Variants in CRYBG2 observed in about 807,000 individuals in gnomAD.
CRYBG2 encodes crystallin beta-gamma domain containing 2.
In CRYBG2, 106 loss-of-function variants were observed where a neutral mutation model predicts 153.4. The observed-to-expected ratio is 0.69, with a 90% confidence interval of 0.59 to 0.81. The LOEUF is 0.81. Among genes scored for constraint, CRYBG2 ranks in the 30% least tolerant of loss-of-function variants. CRYBG2 has a pLI of 0.00. For missense variants in CRYBG2, 1,996 were observed against 2,112.0 expected, an observed-to-expected ratio of 0.95 and a Z score of 1.08; for synonymous variants, 851 against 877.8, an observed-to-expected ratio of 0.97 and a Z score of 0.54.
At position 26,337,285 on chromosome 1, in the gene CRYBG2, C is replaced by G; in HGVS notation, c.3739G>C (p.Glu1247Gln). Residue 1247 changes from glutamate (E) to glutamine (Q), a missense_variant, in exon 10 of 20, where the codon GAG (glutamate) becomes CAG (glutamine). Physicochemically the swap from Glu to Gln is conservative, Grantham distance 29. Transcript: ENST00000308182. ...ATGACCCGGAGGGAGGTCAGCAACTCGTCATAGCCTCCCCAGTGTGACCAG... is the reference window on the plus strand; with the variant it reads ...ATGACCCGGAGGGAGGTCAGCAACTGGTCATAGCCTCCCCAGTGTGACCAG... ...PDWSHWGGYD[E>Q]LLTSLRVIRT... is the part of the protein sequence containing the mutation. The G allele has an allele frequency of 1.2e-6, 2 of 1,614,080 alleles. No homozygotes were observed. The highest frequency in any genetic ancestry group is 8.5e-7 in the Non-Finnish European group (1 of 1,179,992).
intron 1 of CRYBG2, among the ~76,000 whole-genome samples, chr1:26,350,408 T>C (rs2074274058): frequency 6.6e-6 from 1 of 152,210 alleles, no homozygotes; most frequent in Non-Finnish European, 1.5e-5. Context: ...TGCTAAGTGC[T>C]TTAGATTCAT....
rs1301210017 is a variant in CRYBG2, at chr1:26,344,369, G to A, written c.2289C>T (p.Asp763=). The change falls in exon 2 of 20, where the codon GAC becomes GAT. Residue 763 remains aspartate (D), a synonymous_variant. Transcript: ENST00000308182. ...GCAGCGTATCCAGGAATATCTCCAG[G>A]TCAGCGGCCAGGGCCACCTCATCCT... is the stretch of plus-strand genomic sequence containing the variant. The part of the protein sequence containing the change: ...REEDEVALAA[D]LEIFLDTLRS... 1.3e-6 allele frequency: 2 copies of A among 1,512,496 alleles called. No individual in the cohort carries two copies. Among genetic ancestry groups the A allele is most frequent in the East Asian group, 2.5e-5 (1 of 40,594 alleles). The allele number at this position is 1,512,496 out of a possible 1,614,324, so 93.7% of individuals were successfully genotyped here.
intron 7 of CRYBG2, 132 bp from the exon 8 acceptor site, chr1:26,338,179 C>A: frequency 1.4e-6 from 2 of 1,410,664 alleles, no homozygotes; most frequent in Non-Finnish European, 1.9e-6. Flanking sequence ...TTAGGTTAAT[C>A]CCTACCTCTC....
In CRYBG2 at chr1:26,338,342, G is replaced by C; in HGVS notation, c.3471+9C>G. 6.3e-7 allele frequency: 1 copy of C among 1,595,162 alleles called. No homozygotes were observed. Among genetic ancestry groups the C allele is most frequent in the Non-Finnish European group, 8.5e-7 (1 of 1,171,962 alleles). On this transcript the variant is annotated intron_variant, in intron 7 of 19. Coordinates refer to ENST00000308182, the MANE Select transcript of CRYBG2 (RefSeq NM_001039775.4). ...ACCTCCTGGCCTGTGGGTGTGCCCT[G>C]TTCTTTACCAATCTCATGGGCTTCA...
In CRYBG2 at chr1:26,343,020, G is replaced by C; in HGVS notation, c.3074+27C>G. 6.5e-7 allele frequency: 1 copy of C among 1,539,096 alleles called. No homozygotes were observed. The highest frequency in any genetic ancestry group is 8.8e-7 in the Non-Finnish European group (1 of 1,139,104). On this transcript the variant is annotated intron_variant, in intron 4 of 19. Coordinates refer to ENST00000308182, the MANE Select transcript of CRYBG2 (RefSeq NM_001039775.4). This position sits in a 1 kb window ranked among gnomAD's most constrained non-coding sequence, Gnocchi z 4.1. Reference sequence around the variant, plus strand: ...TGCATCCCCCCAGGTTCACAGCCAAGTGCCTTGCTGGGCACTCCCCACTCA... The same window carrying C: ...TGCATCCCCCCAGGTTCACAGCCAACTGCCTTGCTGGGCACTCCCCACTCA...
chr1:26,349,861 C>G (rs2074268876), intron 1 of CRYBG2, among the ~76,000 whole-genome samples: 1 of 128,126 alleles, frequency 7.8e-6, no homozygotes, highest in Admixed American at 9.4e-5. Context: ...GTTGCCCAGG[C>G]TGGAGTGCAG....
intron 18 of CRYBG2, among the ~76,000 whole-genome samples, chr1:26,323,085 C>CTTT (rs35042014): frequency 1.4e-5 from 2 of 145,480 alleles, no homozygotes; most frequent in African/African-American, 2.5e-5. Flanking sequence ...TTCTATTCTC[C>CTTT]TTTTTTTTTT....
At chr1:26,333,082 T>TGGCA (rs928764217) in intron 14 of CRYBG2, among the ~76,000 whole-genome samples, 17 of 127,160 alleles carry the variant, frequency 1.3e-4, no homozygotes, top group Admixed American at 2.6e-4. Flanking sequence ...GGGAAAAAGT[T>TGGCA]GGCAGGGACA....
chr1:26,332,144 A>T (rs2124698311), intron 14 of CRYBG2, among the ~76,000 whole-genome samples: 1 of 152,124 alleles, frequency 6.6e-6, no homozygotes, highest in Admixed American at 6.5e-5. Flanking sequence ...CGTCTCTATT[A>T]AAAATACAAA....
chr1:26,324,998 C>T (rs745307363), intron 17 of CRYBG2: 2 of 152,184 alleles, frequency 1.3e-5, no homozygotes, highest in Non-Finnish European at 2.9e-5. Context: ...TCAAAACTGA[C>T]CCATGACACG....
rs1466844829 is a variant in CRYBG2 at position 26,343,489 on chromosome 1, C to G, written c.2914-196G>C. 6.6e-6 allele frequency among the ~76,000 whole-genome samples: 1 copy of G among 152,178 alleles called. No homozygotes were observed. The highest frequency in any genetic ancestry group is 1.9e-4 in the East Asian group (1 of 5,178). ...TGTCCCAGGAGCTTGGTGCTCATCA[C>G]CCGCCTTCCTCAGCTCCCAGGATCT... is the stretch of plus-strand genomic sequence containing the variant. On this transcript the variant is annotated intron_variant, in intron 2 of 19. Transcript: ENST00000308182. The surrounding 1 kb of genome is among the most constrained non-coding windows in gnomAD (Gnocchi z 4.1).
intron 7 of CRYBG2, 60 bp downstream of exon 7, chr1:26,338,291 T>C (rs1439307730): frequency 1.3e-6 from 2 of 1,535,268 alleles, no homozygotes; most frequent in Admixed American, 4.1e-5. Context: ...CAGGACCAGC[T>C]ACTTGGGACC....
intron 15 of CRYBG2, among the ~76,000 whole-genome samples, chr1:26,329,136 C>G (rs1402870298): frequency 6.7e-6 from 1 of 150,080 alleles, no homozygotes; most frequent in Middle Eastern, 3.3e-3. Context: ...TAACCTGGCA[C>G]TCTGAGCCAG....
At chr1:26,337,147 AG>A in intron 10 of CRYBG2, 105 bp downstream of exon 10, 2 of 1,567,180 alleles carry the variant, frequency 1.3e-6, no homozygotes, top group Non-Finnish European at 1.7e-6. Flanking sequence ...GAACACTTAC[AG>A]GGAGAACACG....
chr1:26,341,877 TC>T (rs1303184719), intron 5 of CRYBG2, among the ~76,000 whole-genome samples: 3 of 152,156 alleles, frequency 2.0e-5, no homozygotes, highest in Non-Finnish European at 2.9e-5. Flanking sequence ...CTTCTTGGTC[TC>T]CCTGCCTCCA....
intron 14 of CRYBG2, among the ~76,000 whole-genome samples, chr1:26,332,750 C>T (rs1319682182): frequency 1.3e-5 from 2 of 151,958 alleles, no homozygotes; most frequent in African/African-American, 4.8e-5. Context: ...AAGTGATCCA[C>T]CCACCTCGGC....
Position 26,337,310 on chromosome 1 carries a change from G to A in CRYBG2, c.3714C>T (p.Asp1238=), listed in dbSNP as rs751527660. The A allele has an allele frequency of 5.0e-6, 8 of 1,614,020 alleles. No homozygotes were observed. Among genetic ancestry groups the A allele is most frequent in the Non-Finnish European group, 6.8e-6 (8 of 1,180,010 alleles). ...CGTCATAGCCTCCCCAGTGTGACCA[G>A]TCTGGGTATTCCCCCTCCTCCAGCA... is the stretch of plus-strand genomic sequence containing the variant. ...QYLLEEGEYP[D]WSHWGGYDEL... Residue 1238 remains aspartate (D), a synonymous_variant, in exon 10 of 20, where the codon GAC becomes GAT. Coordinates refer to ENST00000308182, the MANE Select transcript of CRYBG2 (RefSeq NM_001039775.4).
At chr1:26,322,916 A>G (rs997207370) in intron 18 of CRYBG2, among the ~76,000 whole-genome samples, 1 of 152,150 alleles carries the variant, frequency 6.6e-6, no homozygotes, top group African/African-American at 2.4e-5. Context: ...CCACCCAGCT[A>G]GCCTTGCTAG....
At chr1:26,331,699 G>A in intron 14 of CRYBG2, 81 bp from the exon 15 acceptor site, 1 of 1,559,660 alleles carries the variant, frequency 6.4e-7, no homozygotes, top group East Asian at 2.3e-5. Flanking sequence ...ACAGAAGAGG[G>A]AATGCAGACT....
Sources: gnomAD v4.1 joint callset for allele counts (sites outside exome capture counted in the v4.1 genomes callset) on GRCh38, gnomAD v4.1.1 for gene constraint, Gnocchi (gnomAD v3.1) non-coding constraint, MANE v1.5 for transcripts, NCBI Gene and HGNC (gene_info 2026-07-23, HGNC 2026-07-21) for gene names.